Variants in BBOX1 observed in about 807,000 individuals in gnomAD.
The protein encoded by BBOX1 is gamma-butyrobetaine hydroxylase 1.
A neutral mutation model predicts 41.6 loss-of-function variants in BBOX1; 35 were observed. The observed-to-expected ratio is 0.84, with a 90% confidence interval of 0.64 to 1.11. The LOEUF (loss-of-function observed/expected upper bound fraction) is 1.11. BBOX1 is among the 50% of genes most tolerant of loss of function. The pLI is 0.00. For synonymous variants in BBOX1, 163 were observed against 154.7 expected (o/e 1.05, Z -0.40); for missense variants, 458 against 460.6 (o/e 0.99, Z 0.05).
intron 5 of BBOX1, among the ~76,000 whole-genome samples, chr11:27,108,704 C>T (rs1159905876): frequency 1.3e-5 from 2 of 151,998 alleles, no homozygotes; most frequent in Non-Finnish European, 2.9e-5. Context: ...ATATGGATGG[C>T]TGCTTGACCC....
At chr11:27,125,174 G>C (rs1480739351) in intron 7 of BBOX1, among the ~76,000 whole-genome samples, 1 of 152,100 alleles carries the variant, frequency 6.6e-6, no homozygotes, top group Non-Finnish European at 1.5e-5. Flanking sequence ...TTTCCCACCT[G>C]TAAACTAAGG....
chr11:27,075,796 A>G (rs1189382606), intron 4 of BBOX1, among the ~76,000 whole-genome samples: 1 of 152,202 alleles, frequency 6.6e-6, no homozygotes, highest in Admixed American at 6.5e-5. Context: ...TGTTCCAGAA[A>G]GGCTGCCTAT....
chr11:27,100,272 G>A (rs1858599472), intron 5 of BBOX1, among the ~76,000 whole-genome samples: 1 of 152,058 alleles, frequency 6.6e-6, no homozygotes. Flanking sequence ...GAAGTATGGG[G>A]ATTAGAGAAA....
intron 2 of BBOX1, among the ~76,000 whole-genome samples, chr11:27,049,073 G>T (rs1001081790): frequency 2.6e-5 from 4 of 151,750 alleles, no homozygotes; most frequent in Non-Finnish European, 4.4e-5. Context: ...CAAAAGACAT[G>T]AACTCATCAT....
rs543613821 is a variant in BBOX1, at chr11:27,052,673, C to T, written c.-38-2720C>T. Among the ~76,000 whole-genome samples, 17 of 152,240 alleles carry T rather than the reference C, an allele frequency of 1.1e-4. No individual in the cohort carries two copies. In the East Asian group the frequency reaches 3.3e-3, roughly 29 times the overall value. ...CTTTCACAAATCTTCTTAAATCCAA[C>T]TTATCTGTACCCAGATGAGCTAGCA... On this transcript the variant is annotated intron_variant, in intron 2 of 8. Transcript: ENST00000263182.
In BBOX1 at chr11:27,055,581, C is replaced by T. The variant is rs1335550448; in HGVS notation, c.151C>T (p.Arg51Trp). ...SDCYLDSAKA[R>W]KLLVEALDVN... ...TTGCTACCTGGATTCTGCAAAAGCA[C>T]GGAAACTTCTAGTGGAAGCTCTTGA... The change falls in exon 3 of 9, where the codon CGG becomes TGG. Residue 51 changes from arginine to tryptophan, a missense_variant. Coordinates refer to ENST00000263182, the MANE Select transcript of BBOX1 (RefSeq NM_003986.3). 20 of 1,613,918 alleles carry T rather than the reference C, an allele frequency of 1.2e-5. No individual in the cohort carries two copies. Among genetic ancestry groups the T allele is most frequent in the East Asian group, 8.9e-5 (4 of 44,884 alleles).
chr11:27,055,413 C>T lies in BBOX1; in HGVS notation c.-18C>T, dbSNP rs1370635433. 6.2e-7 allele frequency: 1 copy of T among 1,609,742 alleles called. No individual in the cohort carries two copies. The highest frequency in any genetic ancestry group is 1.3e-5 in the African/African-American group (1 of 74,968). On this transcript the variant is annotated 5_prime_UTR_variant, in exon 3 of 9. Coordinates refer to ENST00000263182, the MANE Select transcript of BBOX1 (RefSeq NM_003986.3). ...CATAGCAGGTAGCTGACAGCATCTACTCCTGAAGACCGGAAACATGGCTTG... is the reference window on the plus strand; with the variant it reads ...CATAGCAGGTAGCTGACAGCATCTATTCCTGAAGACCGGAAACATGGCTTG...
At chr11:27,119,473 CA>C (rs879498625) in intron 6 of BBOX1, among the ~76,000 whole-genome samples, 175 bp from the exon 7 acceptor site, 26 of 145,074 alleles carry the variant, frequency 1.8e-4, no homozygotes, top group African/African-American at 3.5e-4. Context: ...ATAAGAAAGA[CA>C]AAAAAAAAAG....
chr11:27,120,176 T>C (rs548767133), intron 7 of BBOX1, among the ~76,000 whole-genome samples: 44 of 152,250 alleles, frequency 2.9e-4, no homozygotes, highest in Admixed American at 2.7e-3. Context: ...TCAAAATAGG[T>C]TGATCCCAAG....
chr11:27,126,677 CTT>C (rs66505246), intron 8 of BBOX1, among the ~76,000 whole-genome samples: 82 of 127,794 alleles, frequency 6.4e-4, no homozygotes, highest in East Asian at 9.3e-4. Context: ...TCTTTTTTTT[CTT>C]TTTTTTTTTT....
intron 4 of BBOX1, among the ~76,000 whole-genome samples, chr11:27,090,222 A>G (rs992493727): frequency 2.0e-5 from 3 of 152,076 alleles, no homozygotes; most frequent in Non-Finnish European, 4.4e-5. Context: ...ACTGCCCCCA[A>G]TATTTCAACG....
At chr11:27,088,739 G>T (rs1041227171) in intron 4 of BBOX1, among the ~76,000 whole-genome samples, 21 of 151,912 alleles carry the variant, frequency 1.4e-4, no homozygotes, top group Non-Finnish European at 2.9e-5. Flanking sequence ...ATAGATTTTT[G>T]AATCAGTCAC....
chr11:27,105,794 T>A (rs888275422), intron 5 of BBOX1, among the ~76,000 whole-genome samples: 29 of 152,068 alleles, frequency 1.9e-4, no homozygotes, highest in African/African-American at 7.0e-4. Context: ...AACTGTCAGA[T>A]TCACCAAAGT....
chr11:27,075,200 A>G (rs560372857), intron 4 of BBOX1, among the ~76,000 whole-genome samples: 6 of 152,172 alleles, frequency 3.9e-5, no homozygotes, highest in African/African-American at 1.4e-4. Context: ...AGCCTTATTC[A>G]GCTCTTGGTG....
chr11:27,087,064 C>A (rs1194286617), intron 4 of BBOX1, among the ~76,000 whole-genome samples: 1 of 152,022 alleles, frequency 6.6e-6, no homozygotes, highest in Non-Finnish European at 1.5e-5. Context: ...AAAGTGGTTT[C>A]TTGAGATGGA....
At chr11:27,105,341 T>C (rs1477152508) in intron 5 of BBOX1, among the ~76,000 whole-genome samples, 1 of 152,028 alleles carries the variant, frequency 6.6e-6, no homozygotes, top group Non-Finnish European at 1.5e-5. Flanking sequence ...GCTAAAAACC[T>C]TGAAAAAAGA....
intron 4 of BBOX1, among the ~76,000 whole-genome samples, chr11:27,073,466 A>C (rs1404554209): frequency 6.7e-6 from 1 of 149,158 alleles, no homozygotes; most frequent in East Asian, 1.9e-4. Flanking sequence ...TGTTGGTGGG[A>C]CTGTAAACTA....
At chr11:27,044,701 C>T (rs1447817362) in intron 2 of BBOX1, among the ~76,000 whole-genome samples, 2 of 152,164 alleles carry the variant, frequency 1.3e-5, no homozygotes, top group African/African-American at 2.4e-5. Context: ...ATCCTTTCCC[C>T]ATTGCTTGTT....
intron 4 of BBOX1, among the ~76,000 whole-genome samples, chr11:27,075,994 T>G (rs1590190226): frequency 6.6e-6 from 1 of 152,166 alleles, no homozygotes; most frequent in East Asian, 1.9e-4. Context: ...GAAAGACACT[T>G]CCCACCAGCA....
Sources: allele counts gnomAD v4.1 joint callset (sites outside exome capture counted in the v4.1 genomes callset), GRCh38; gene constraint gnomAD v4.1.1; transcripts MANE v1.5; gene names NCBI Gene and HGNC (gene_info 2026-07-23, HGNC 2026-07-21).